CEP128: variants seen among roughly 807,000 people sequenced by gnomAD.
CEP128 encodes the protein centrosomal protein 128kDa.
CEP128 carries 132 observed loss-of-function variants against 156.7 expected under a neutral mutation model. The ratio of observed to expected loss-of-function variants is 0.84; its 90% CI spans 0.73 to 0.97. CEP128 has a LOEUF of 0.97. Among genes scored for constraint, CEP128 ranks in the 50% least tolerant of loss-of-function variants. CEP128 has a pLI of 0.00. For missense variants in CEP128, 1,252 were observed against 1,281.9 expected, an observed-to-expected ratio of 0.98 and a Z score of 0.36; for synonymous variants, 469 against 448.9, an observed-to-expected ratio of 1.04 and a Z score of -0.57.
intron 24 of CEP128, among the ~76,000 whole-genome samples, chr14:80,498,452 T>C: frequency 6.6e-6 from 1 of 152,158 alleles, no homozygotes; most frequent in East Asian, 1.9e-4. Flanking sequence ...CAGAATAAAA[T>C]CCACACATCT....
chr14:80,674,254 G>A (rs72690945), intron 19 of CEP128, among the ~76,000 whole-genome samples: 20,090 of 151,826 alleles, frequency 0.13, 1,740 homozygotes, highest in East Asian at 0.42. Flanking sequence ...TAACAGCAAT[G>A]GACACCATGC....
intron 8 of CEP128, among the ~76,000 whole-genome samples, chr14:80,864,441 C>CGCTT (rs1379048067): frequency 2.0e-5 from 3 of 152,170 alleles, no homozygotes; most frequent in Non-Finnish European, 4.4e-5. Flanking sequence ...AAAATTAAAG[C>CGCTT]AGTCCAAGTA....
chr14:80,731,537 T>A (rs1254343313), intron 19 of CEP128, among the ~76,000 whole-genome samples: 1 of 152,180 alleles, frequency 6.6e-6, no homozygotes, highest in Non-Finnish European at 1.5e-5. Flanking sequence ...GGACTGTGGG[T>A]AGCGACCTTG....
At chr14:80,685,662 A>G (rs1896496872) in intron 19 of CEP128, among the ~76,000 whole-genome samples, 1 of 152,186 alleles carries the variant, frequency 6.6e-6, no homozygotes, top group Non-Finnish European at 1.5e-5. Context: ...AATAATCCTA[A>G]GCAAAAAGAA....
At chr14:80,540,900 C>T (rs1265612161) in intron 21 of CEP128, among the ~76,000 whole-genome samples, 4 of 152,090 alleles carry the variant, frequency 2.6e-5, no homozygotes, top group African/African-American at 7.2e-5. Context: ...CAAATGCTCC[C>T]GATTTACCCC....
intron 2 of CEP128, among the ~76,000 whole-genome samples, chr14:80,929,419 C>A (rs545193909): frequency 6.6e-6 from 1 of 152,308 alleles, no homozygotes; most frequent in African/African-American, 2.4e-5. Context: ...ATCTGCACAT[C>A]TATGTTTGTC....
At chr14:80,774,139 G>A (rs1900661487) in intron 16 of CEP128, among the ~76,000 whole-genome samples, 1 of 152,152 alleles carries the variant, frequency 6.6e-6, no homozygotes, top group African/African-American at 2.4e-5. Context: ...TTTAGCAAGG[G>A]CAGTGTTCTC....
intron 8 of CEP128, among the ~76,000 whole-genome samples, chr14:80,867,029 T>A (rs561215958): frequency 3.3e-5 from 5 of 152,166 alleles, no homozygotes; most frequent in Non-Finnish European, 5.9e-5. Flanking sequence ...CAGTATATAT[T>A]TTTTTTCTTT....
In CEP128 at chr14:80,799,201, CA is replaced by C. The variant is rs1271960329; in HGVS notation, c.1210-6092del. On this transcript the variant is annotated intron_variant, in intron 13 of 24. Coordinates refer to ENST00000555265, the MANE Select transcript of CEP128 (RefSeq NM_152446.5). ...CGTTGTTGCCGGAAGTCAGGGACCC[CA>C]AACGGAGGGACTGGCTGGAGCTGTG... is the stretch of plus-strand genomic sequence containing the variant. Among the ~76,000 whole-genome samples the C allele has an allele frequency of 2.0e-5, 3 of 152,314 alleles. No individual in the cohort carries two copies. In the East Asian group the frequency reaches 5.8e-4, roughly 29 times the overall value.
chr14:80,611,325 C>CA (rs1160922737), intron 19 of CEP128, among the ~76,000 whole-genome samples: 4 of 139,494 alleles, frequency 2.9e-5, no homozygotes, highest in South Asian at 2.4e-4. Context: ...CATCAAATAA[C>CA]AAAAAAAGGA....
chr14:80,580,298 T>C (rs1486945009), intron 20 of CEP128, 76 bp downstream of exon 20: 2 of 927,280 alleles, frequency 2.2e-6, no homozygotes, highest in Non-Finnish European at 3.4e-6. Flanking sequence ...AGTGTGAATG[T>C]GACAATAATA....
chr14:80,808,010 A>G (rs1227971649), intron 13 of CEP128, among the ~76,000 whole-genome samples: 1 of 152,192 alleles, frequency 6.6e-6, no homozygotes, highest in Non-Finnish European at 1.5e-5. Flanking sequence ...AGCCCCTGAA[A>G]CAAAGGATAC....
intron 19 of CEP128, among the ~76,000 whole-genome samples, chr14:80,591,757 TA>T (rs1360148334): frequency 3.9e-5 from 6 of 152,128 alleles, no homozygotes; most frequent in Non-Finnish European, 8.8e-5. Context: ...TAATTGGAAG[TA>T]AAACACTCAT....
chr14:80,950,210 A>G (rs952336540), intron 2 of CEP128, among the ~76,000 whole-genome samples: 4 of 152,176 alleles, frequency 2.6e-5, no homozygotes, highest in African/African-American at 9.7e-5. Flanking sequence ...GAAGCTAGGA[A>G]CAGTCAAGGA....
intron 13 of CEP128, among the ~76,000 whole-genome samples, chr14:80,820,183 G>T (rs1459609817): frequency 1.3e-5 from 2 of 152,006 alleles, no homozygotes; most frequent in African/African-American, 4.8e-5. Flanking sequence ...TAATTATTTT[G>T]AAGTTGTTTT....
At chr14:80,665,952 A>G (rs959123249) in intron 19 of CEP128, among the ~76,000 whole-genome samples, 1 of 152,228 alleles carries the variant, frequency 6.6e-6, no homozygotes, top group Admixed American at 6.5e-5. Context: ...TGGAGAAAGA[A>G]GGGAGGAGTA....
At chr14:80,719,393 T>C (rs1189455245) in intron 19 of CEP128, among the ~76,000 whole-genome samples, 1 of 152,218 alleles carries the variant, frequency 6.6e-6, no homozygotes, top group East Asian at 1.9e-4. Flanking sequence ...AGTCCTAGAA[T>C]TATTTCCCAG....
At chr14:80,930,513 G>A (rs531230886) in intron 2 of CEP128, among the ~76,000 whole-genome samples, 1 of 152,296 alleles carries the variant, frequency 6.6e-6, no homozygotes, top group South Asian at 2.1e-4. Context: ...AGCAGAAGAT[G>A]CTAAAAGTGC....
At chr14:80,727,965 T>G (rs575176173) in intron 19 of CEP128, among the ~76,000 whole-genome samples, 11 of 152,028 alleles carry the variant, frequency 7.2e-5, no homozygotes, top group Non-Finnish European at 1.3e-4. Flanking sequence ...CTAAAAAAAC[T>G]TAAAACTACC....
Sources: gnomAD v4.1 joint callset for allele counts (sites outside exome capture counted in the v4.1 genomes callset) on GRCh38, gnomAD v4.1.1 for gene constraint, MANE v1.5 for transcripts, NCBI Gene and HGNC (gene_info 2026-07-23, HGNC 2026-07-21) for gene names.